Variants in CEP63 observed in about 807,000 individuals in gnomAD.
CEP63 encodes centrosomal protein of 63 kDa.
A neutral mutation model predicts 89.1 loss-of-function variants in CEP63; 84 were observed. The ratio of observed to expected loss-of-function variants is 0.94; its 90% CI spans 0.79 to 1.13. CEP63 has a LOEUF of 1.13. CEP63 is among the 50% of genes most tolerant of loss of function. The probability of loss-of-function intolerance (pLI) is 0.00; values close to 1 mark genes in which losing one functional copy is unlikely to be tolerated. For missense variants in CEP63, 838 were observed against 813.3 expected (o/e 1.03, Z -0.37); for synonymous variants, 267 against 272.5 (o/e 0.98, Z 0.20).
intron 3 of CEP63, chr3:134,510,897 C>G (rs928920148): frequency 4.4e-5 from 9 of 202,888 alleles, no homozygotes; most frequent in African/African-American, 9.5e-5. Flanking sequence ...GCAGCACCCC[C>G]CCAAGAGGGA....
chr3:134,573,429 A>G (rs1958096984), intron 11 of CEP63, among the ~76,000 whole-genome samples: 1 of 152,206 alleles, frequency 6.6e-6, no homozygotes, highest in Admixed American at 6.5e-5. Flanking sequence ...ATTTTTGTAT[A>G]CAATGAAAGG....
At chr3:134,543,029 T>G (rs1002672070) in intron 6 of CEP63, among the ~76,000 whole-genome samples, 16 of 152,348 alleles carry the variant, frequency 1.1e-4, no homozygotes, top group Non-Finnish European at 1.5e-4. Context: ...TTAGAAGTTT[T>G]TAAATAATTA....
chr3:134,765,239 A>C, the CEP63 span, among the ~76,000 whole-genome samples: 2 of 152,254 alleles, frequency 1.3e-5, no homozygotes, highest in Non-Finnish European at 2.9e-5. Context: ...TGTCCCAATA[A>C]GACAAATGAT....
At chr3:134,574,046 T>C (rs1425249244) in intron 11 of CEP63, among the ~76,000 whole-genome samples, 2 of 152,334 alleles carry the variant, frequency 1.3e-5, no homozygotes, top group East Asian at 3.9e-4. Context: ...ATGCTTGACA[T>C]GCAGCCTCGT....
the CEP63 span, among the ~76,000 whole-genome samples, chr3:134,605,703 GCT>G: frequency 6.6e-6 from 1 of 151,322 alleles, no homozygotes; most frequent in Non-Finnish European, 1.5e-5. Context: ...CTGCCGGTCA[GCT>G]CTCTGGCACT....
the CEP63 span, among the ~76,000 whole-genome samples, chr3:134,595,161 T>A: frequency 0.016 from 2,457 of 152,194 alleles, 54 homozygotes; most frequent in African/African-American, 0.055. Context: ...AAGTGGGAGG[T>A]AATTTAATCA....
chr3:134,695,577 G>A, the CEP63 span, among the ~76,000 whole-genome samples: 6 of 152,222 alleles, frequency 3.9e-5, no homozygotes, highest in African/African-American at 1.4e-4. Context: ...TGTGCTGGCT[G>A]TGGTGGTGAA....
At chr3:134,720,836 CTGTT>C in the CEP63 span, among the ~76,000 whole-genome samples, 4 of 152,078 alleles carry the variant, frequency 2.6e-5, no homozygotes, top group African/African-American at 9.7e-5. Context: ...ATTGATCAAT[CTGTT>C]TGTCCTTATG....
rs1317577290 is a variant in CEP63 at position 134,562,848 on chromosome 3, C to T, written c.*1313C>T. 6.6e-6 allele frequency: 1 copy of T among 152,406 alleles called. No individual in the cohort carries two copies. The highest frequency in any genetic ancestry group is 2.4e-5 in the African/African-American group (1 of 41,448). 9.4% of individuals were successfully genotyped at this position (152,406 alleles called of 1,614,324 possible). On this transcript the variant is annotated 3_prime_UTR_variant, in exon 15 of 15. Coordinates refer to ENST00000675561, the MANE Select transcript of CEP63 (RefSeq NM_001353108.3). ...ACTCCATCTCATGGCTTTTCCTCTT[C>T]TAACCTCTAAGTCAGAGGGCCCCCT...
the CEP63 span, among the ~76,000 whole-genome samples, chr3:134,626,653 G>C: frequency 2.6e-5 from 4 of 152,172 alleles, no homozygotes; most frequent in South Asian, 8.3e-4. Flanking sequence ...AGGTGGGGAG[G>C]GGTGTGTGTC....
chr3:134,748,678 G>C, the CEP63 span, among the ~76,000 whole-genome samples: 30 of 152,140 alleles, frequency 2.0e-4, no homozygotes, highest in Non-Finnish European at 3.4e-4. Context: ...GTGTGTCCAG[G>C]GATCTTGTGA....
At chr3:134,726,384 T>C in the CEP63 span, among the ~76,000 whole-genome samples, 1 of 151,972 alleles carries the variant, frequency 6.6e-6, no homozygotes, top group Non-Finnish European at 1.5e-5. Context: ...TGTTTACCAC[T>C]TGACAGTAGG....
the CEP63 span, among the ~76,000 whole-genome samples, chr3:134,628,602 ATTT>A: frequency 6.6e-6 from 1 of 152,126 alleles, no homozygotes; most frequent in African/African-American, 2.4e-5. Flanking sequence ...TCACACCTAC[ATTT>A]TTTTCCCACC....
chr3:134,766,927 G>C, the CEP63 span, among the ~76,000 whole-genome samples: 28 of 152,326 alleles, frequency 1.8e-4, 1 homozygote, highest in South Asian at 5.6e-3. Flanking sequence ...ACTGGCTTGA[G>C]AGGTTCCTGT....
At chr3:134,722,955 A>G in the CEP63 span, among the ~76,000 whole-genome samples, 2 of 152,234 alleles carry the variant, frequency 1.3e-5, no homozygotes, top group Admixed American at 6.5e-5. Flanking sequence ...AGCCTTTTCC[A>G]GATGGACAAC....
rs111598950 is a variant in CEP63, at chr3:134,573,536, A to G, written c.1330-1257A>G. Among the ~76,000 whole-genome samples, 251 of 152,012 alleles carry G rather than the reference A, an allele frequency of 1.7e-3. 1 individual carries two copies. Among genetic ancestry groups the G allele is most frequent in the African/African-American group, 5.8e-3 (241 of 41,466 alleles). On this transcript the variant is annotated intron_variant, in intron 11 of 11. Transcript: ENST00000354446. ...CTTTCCCCATGGTTTATTTTTGTTG[A>G]CTTTGTTGAAGATCAGATGGCTGTA...
At chr3:134,674,610 G>C in the CEP63 span, among the ~76,000 whole-genome samples, 4 of 152,002 alleles carry the variant, frequency 2.6e-5, no homozygotes, top group Admixed American at 6.6e-5. Context: ...GAAACAAAAG[G>C]CATCCAAATT....
intron 9 of CEP63, among the ~76,000 whole-genome samples, 157 bp downstream of exon 9, chr3:134,547,629 T>TTTTTTTTTTTTTTTTTTTTTTTTTA (rs1953800413): frequency 1.6e-5 from 2 of 127,172 alleles, no homozygotes; most frequent in East Asian, 2.2e-4. Context: ...TTTTTTTTTT[T>TTTTTTTTTTTTTTTTTTTTTTTTTA]GAGACGGAGT....
At chr3:134,697,650 C>T in the CEP63 span, among the ~76,000 whole-genome samples, 1 of 152,176 alleles carries the variant, frequency 6.6e-6, no homozygotes, top group East Asian at 1.9e-4. Flanking sequence ...TGCACACACA[C>T]TGCTCACAGG....
Sources: gnomAD v4.1 joint callset for allele counts (sites outside exome capture counted in the v4.1 genomes callset) on GRCh38, gnomAD v4.1.1 for gene constraint, MANE v1.5 for transcripts, NCBI Gene and HGNC (gene_info 2026-07-23, HGNC 2026-07-21) for gene names.